Variants in DRC4 observed in about 807,000 individuals in gnomAD.
DRC4 encodes the protein dynein regulatory complex subunit 4, also known as GAS-11.
At chr16:90,042,674 G>A in the DRC4 span, 2 of 699,768 alleles carry the variant, frequency 2.9e-6, no homozygotes, top group Non-Finnish European at 2.5e-6. Context: ...CCCCACGTGA[G>A]GGTGCAGTCA....
chr16:90,037,352 A>G, the DRC4 span: 6 of 1,614,026 alleles, frequency 3.7e-6, no homozygotes, highest in South Asian at 1.1e-5. Context: ...GATGAGCGAG[A>G]TGCAGAAACA....
chr16:90,031,716 C>G, the DRC4 span, among the ~76,000 whole-genome samples: 1 of 152,184 alleles, frequency 6.6e-6, no homozygotes, highest in African/African-American at 2.4e-5. Context: ...TGGGGGCAGA[C>G]TGGCCTGTTT....
chr16:90,030,507 ATTTTTTTT>A, the DRC4 span, among the ~76,000 whole-genome samples: 3 of 118,972 alleles, frequency 2.5e-5, no homozygotes, highest in East Asian at 2.2e-4. Context: ...CTCCTGGCTA[ATTTTTTTT>A]TTTTTTTTTT....
At chr16:90,029,063 G>A in the DRC4 span, 2 of 1,227,276 alleles carry the variant, frequency 1.6e-6, no homozygotes, top group Admixed American at 5.7e-5. Flanking sequence ...GTCCCAGCAT[G>A]TGAGCTGCTG....
the DRC4 span, chr16:90,040,323 C>T: frequency 6.3e-7 from 1 of 1,595,716 alleles, no homozygotes; most frequent in South Asian, 1.1e-5. Context: ...GGGACGAGCT[C>T]TATCGGAAGT....
the DRC4 span, among the ~76,000 whole-genome samples, chr16:90,025,633 GAGCA>G: frequency 9.3e-6 from 1 of 107,122 alleles, no homozygotes; most frequent in East Asian, 3.1e-4. Flanking sequence ...CTGGGCAACA[GAGCA>G]AGACTCTGTC....
the DRC4 span, chr16:90,032,845 G>C: frequency 6.2e-7 from 1 of 1,613,938 alleles, no homozygotes; most frequent in Non-Finnish European, 8.5e-7. Flanking sequence ...AGTGTGCTGC[G>C]CAAGGACATG....
chr16:90,031,178 GT>G, the DRC4 span: 1 of 1,531,866 alleles, frequency 6.5e-7, no homozygotes, highest in Non-Finnish European at 8.8e-7. Flanking sequence ...ACATTTAGCT[GT>G]TTATTTTTAG....
At chr16:90,034,892 C>CTTT in the DRC4 span, among the ~76,000 whole-genome samples, 39 of 53,868 alleles carry the variant, frequency 7.2e-4, 7 homozygotes, top group South Asian at 2.1e-3. Flanking sequence ...CCCACCTAAT[C>CTTT]TTTTTTTTTT....
the DRC4 span, among the ~76,000 whole-genome samples, chr16:90,035,201 C>T: frequency 1.3e-5 from 2 of 152,128 alleles, no homozygotes; most frequent in South Asian, 4.1e-4. Flanking sequence ...CTGTGCCCGG[C>T]AATCTTTAAA....
chr16:90,040,157 A>T, the DRC4 span: 1,152 of 776,890 alleles, frequency 1.5e-3, 10 homozygotes, highest in African/African-American at 0.017. Context: ...TGTGGACAAC[A>T]CACTGACCCC....
chr16:90,042,193 C>G, the DRC4 span: 2 of 513,246 alleles, frequency 3.9e-6, no homozygotes, highest in Admixed American at 4.5e-5. Flanking sequence ...TCCTTGGCCT[C>G]CCACACTGCT....
the DRC4 span, chr16:90,022,300 G>T: frequency 1.8e-5 from 3 of 170,552 alleles, 1 homozygote; most frequent in African/African-American, 7.1e-5. Flanking sequence ...TGTTTGCCCA[G>T]ATTTGAATCT....
the DRC4 span, chr16:90,031,504 G>A: frequency 6.4e-7 from 1 of 1,551,422 alleles, no homozygotes; most frequent in Non-Finnish European, 8.7e-7. Context: ...AAGGTGAGTG[G>A]GGCCGGCCTG....
At chr16:90,032,464 G>A in the DRC4 span, among the ~76,000 whole-genome samples, 1 of 150,696 alleles carries the variant, frequency 6.6e-6, no homozygotes, top group Non-Finnish European at 1.5e-5. Flanking sequence ...GTGAGGAGGT[G>A]TGGTACAGGT....
At chr16:90,044,517 GA>G in the DRC4 span, 8 of 471,106 alleles carry the variant, frequency 1.7e-5, no homozygotes, top group Non-Finnish European at 3.1e-5. Context: ...CATGTGGGTA[GA>G]AGCTTTCCTG....
chr16:90,029,009 G>A, the DRC4 span: 1 of 1,305,428 alleles, frequency 7.7e-7, no homozygotes, highest in Admixed American at 2.3e-5. Context: ...GTTCTGGAAA[G>A]ATGTCTGGAG....
chr16:90,034,208 C>T, the DRC4 span, among the ~76,000 whole-genome samples: 6 of 152,200 alleles, frequency 3.9e-5, no homozygotes, highest in Non-Finnish European at 8.8e-5. Flanking sequence ...AACTTGGTGA[C>T]GTTGCTGACT....
the DRC4 span, chr16:90,031,210 T>A: frequency 6.3e-7 from 1 of 1,585,426 alleles, no homozygotes; most frequent in Non-Finnish European, 8.5e-7. Flanking sequence ...GTCCTCCCTC[T>A]TTCTTCCTTG....
Sources: gnomAD v4.1 joint callset for allele counts (sites outside exome capture counted in the v4.1 genomes callset) on GRCh38, gnomAD v4.1.1 for gene constraint, MANE v1.5 for transcripts, NCBI Gene and HGNC (gene_info 2026-07-23, HGNC 2026-07-21) for gene names.